Variants in TRAP1 observed in about 807,000 individuals in gnomAD.
The protein encoded by TRAP1 is heat shock protein 75 kDa, mitochondrial.
TRAP1 carries 102 observed loss-of-function variants against 89.1 expected under a neutral mutation model. The observed-to-expected ratio is 1.15, with a 90% CI of 0.98 to 1.35. TRAP1 has a LOEUF of 1.35. TRAP1 is among the 40% of genes most tolerant of loss of function. The pLI, the probability that TRAP1 is intolerant of heterozygous loss-of-function variation, is 0.00. For synonymous variants in TRAP1, 508 were observed against 388.0 expected (o/e 1.31, Z -3.64); for missense variants, 1,256 against 945.3 (o/e 1.33, Z -4.31).
At chr16:3,660,270 G>C (rs2042995066) in intron 16 of TRAP1, 2 of 152,214 alleles carry the variant, frequency 1.3e-5, no homozygotes, top group Non-Finnish European at 2.9e-5. Context: ...GACACAGGTA[G>C]GAGGAAATTT....
rs1016238371 is a variant in TRAP1, at chr16:3,666,063, T to C, written c.1291A>G (p.Lys431Glu). 1.2e-5 allele frequency: 19 copies of C among 1,614,212 alleles called. No homozygotes were observed. Among genetic ancestry groups the C allele is most frequent in the Non-Finnish European group, 1.5e-5 (18 of 1,180,030 alleles). The change falls in exon 12 of 18, where the codon AAA becomes GAA. Residue 431 changes from lysine (K) to glutamate (E), a missense_variant. Transcript: ENST00000246957. ...TTTGCATACTTCTCAGCATCTTTTT[T>C]ACTCTGGTCAATGAAGAATTTGATC... ...RLIKFFIDQS[K>E]KDAEKYAKFF... is the part of the protein sequence containing the mutation.
At chr16:3,693,720 C>CACA (rs2051247697) in intron 1 of TRAP1, among the ~76,000 whole-genome samples, 1 of 152,164 alleles carries the variant, frequency 6.6e-6, no homozygotes. Context: ...GAGCCAGGCA[C>CACA]ACAACCTCAC....
At chr16:3,708,679 G>A (rs2051484257) in intron 1 of TRAP1, among the ~76,000 whole-genome samples, 1 of 151,746 alleles carries the variant, frequency 6.6e-6, no homozygotes, top group Admixed American at 6.6e-5. Flanking sequence ...AGCCGGGCAT[G>A]GTGGCGCGTG....
In TRAP1 at chr16:3,711,624, C is replaced by A. The variant is rs141140962; in HGVS notation, c.88+5797G>T. Among the ~76,000 whole-genome samples, 123 of 151,636 alleles carry A rather than the reference C, an allele frequency of 8.1e-4. 1 individual carries two copies. Among genetic ancestry groups the A allele is most frequent in the African/African-American group, 2.3e-3 (97 of 41,400 alleles). ...GAAAAAAACAAAAAAAAAACAAAAA[C>A]CAAAACAAAAACAAAAAAAACACAG... On this transcript the variant is annotated intron_variant, in intron 1 of 17. Transcript: ENST00000246957.
At chr16:3,661,958 G>T (rs769018281) in intron 16 of TRAP1, 29 bp downstream of exon 16, 18 of 1,570,128 alleles carry the variant, frequency 1.1e-5, no homozygotes, top group Non-Finnish European at 1.5e-5. Context: ...GAATCCCACA[G>T]GCTGGAAGAG....
At chr16:3,691,283 C>G (rs1443556771) in intron 1 of TRAP1, 3 of 240,052 alleles carry the variant, frequency 1.2e-5, no homozygotes, top group African/African-American at 6.7e-5. Flanking sequence ...TCACTGCGAT[C>G]ACAGCTCACT....
At position 3,664,342 on chromosome 16, in the gene TRAP1, A is replaced by G. The variant is rs2050774212; in HGVS notation, c.1501T>C (p.Cys501Arg). ...TCTGCCAGGTGACGGTTGGGGGCGC[A>G]CAGGTAGTAGATGTTGCGGGTGCCG... is the stretch of plus-strand genomic sequence containing the variant. ...RAGTRNIYYL[C>R]APNRHLAEHS... Residue 501 changes from cysteine (C) to arginine (R), a missense_variant, in exon 13 of 18, where the codon TGC becomes CGC. By Grantham distance (180) the Cys-to-Arg change is radical. Transcript: ENST00000246957. 6.2e-7 allele frequency: 1 copy of G among 1,612,590 alleles called. No individual in the cohort carries two copies. The highest frequency in any genetic ancestry group is 1.3e-5 in the African/African-American group (1 of 74,840).
chr16:3,689,242 C>CTT (rs34759526), intron 2 of TRAP1, 105 bp from the exon 3 acceptor site: 3,638 of 422,914 alleles, frequency 8.6e-3, no homozygotes, highest in South Asian at 0.012. Flanking sequence ...GAGTTTTAAA[C>CTT]TTTTTTTTTT....
At chr16:3,700,021 T>C (rs1238302464) in intron 1 of TRAP1, among the ~76,000 whole-genome samples, 1 of 151,700 alleles carries the variant, frequency 6.6e-6, no homozygotes, top group African/African-American at 2.4e-5. Flanking sequence ...CATATGACAT[T>C]TCCCACTGTT....
Position 3,690,849 on chromosome 16 carries a change from G to C in TRAP1, c.225C>G (p.Ile75Met). 6.4e-7 allele frequency: 1 copy of C among 1,550,398 alleles called. No individual in the cohort carries two copies. Among genetic ancestry groups the C allele is most frequent in the Non-Finnish European group, 8.7e-7 (1 of 1,147,492 alleles). The change falls in exon 2 of 18, where the codon ATC becomes ATG. Residue 75 changes from isoleucine (I) to methionine (M), a missense_variant. By Grantham distance (10) the Ile-to-Met change is conservative. Transcript: ENST00000246957. ...EDKEEPLHSI[I>M]SSTESVQGST... The stretch of plus-strand genomic sequence containing the variant: ...TACCCTGCACGCTCTCTGTGCTGCT[G>C]ATAATCGAGTGCAGGGGTTCCTCCT...
chr16:3,672,125 C>G (rs2050922174), intron 10 of TRAP1, among the ~76,000 whole-genome samples: 2 of 152,132 alleles, frequency 1.3e-5, no homozygotes, highest in African/African-American at 4.8e-5. Context: ...ATCATGAGGT[C>G]AGGAGTTCGA....
chr16:3,662,034 C>G lies in TRAP1; in HGVS notation c.1893G>C (p.Gln631His). The G allele has an allele frequency of 6.2e-7, 1 of 1,613,298 alleles. No individual in the cohort carries two copies. The highest frequency in any genetic ancestry group is 1.7e-5 in the Admixed American group (1 of 60,008). The change falls in exon 16 of 18, where the codon CAG (glutamine) becomes CAC (histidine). Residue 631 changes from glutamine (Q) to histidine (H), a missense_variant. By Grantham distance (24) the Gln-to-His change is conservative. Transcript: ENST00000246957. ...GCTGCAGGAGCTGTGCGCGCTCCTC[C>G]TGGGTCTTGGCCAGCTGCTGCATGC... is the stretch of plus-strand genomic sequence containing the variant. ...FLRMQQLAKT[Q>H]EERAQLLQPT... is the part of the protein sequence containing the mutation.
At chr16:3,671,067 C>G (rs1186594307) in intron 11 of TRAP1, among the ~76,000 whole-genome samples, 1 of 152,106 alleles carries the variant, frequency 6.6e-6, no homozygotes, top group African/African-American at 2.4e-5. Context: ...ACGTTGGGGG[C>G]TCCAACAAGG....
At chr16:3,662,707 C>A (rs529349755) in intron 15 of TRAP1, 175 bp downstream of exon 15, 2 of 706,174 alleles carry the variant, frequency 2.8e-6, no homozygotes, top group South Asian at 3.0e-5. Flanking sequence ...CCTGCCTCAG[C>A]GGCACTCCCG....
At chr16:3,706,311 G>A (rs1464965081) in intron 1 of TRAP1, among the ~76,000 whole-genome samples, 1 of 151,924 alleles carries the variant, frequency 6.6e-6, no homozygotes, top group East Asian at 1.9e-4. Flanking sequence ...GTCTCACTAT[G>A]TTGCCTGGAG....
rs1212106962 is a variant in TRAP1, at chr16:3,671,661, C to A, written c.1235+61G>T. 12 of 1,573,284 alleles carry A rather than the reference C, an allele frequency of 7.6e-6. No homozygotes were observed. The Admixed American group carries it at 8.6e-5, about 11-fold the overall frequency. On this transcript the variant is annotated intron_variant, in intron 11 of 17. Coordinates refer to ENST00000246957, the MANE Select transcript of TRAP1 (RefSeq NM_016292.3). ...GGCCACGGCTAGGGCCCTCTGGGGGCAAAGGAGCAGGTAGGGGCCTTGTCC... is the reference window on the plus strand; with the variant it reads ...GGCCACGGCTAGGGCCCTCTGGGGGAAAAGGAGCAGGTAGGGGCCTTGTCC...
At chr16:3,711,961 TTGAG>T (rs1567248930) in intron 1 of TRAP1, among the ~76,000 whole-genome samples, 2 of 152,142 alleles carry the variant, frequency 1.3e-5, no homozygotes, top group African/African-American at 4.8e-5. Flanking sequence ...TTTACTTCAT[TTGAG>T]TATGAATGGA....
intron 1 of TRAP1, among the ~76,000 whole-genome samples, chr16:3,703,895 G>A (rs897682608): frequency 3.3e-5 from 5 of 151,570 alleles, no homozygotes; most frequent in African/African-American, 9.8e-5. Context: ...GGTGCCTGTG[G>A]TCCCAGCTAC....
At chr16:3,678,123 C>G (rs2051024260) in intron 5 of TRAP1, 1 of 156,350 alleles carries the variant, frequency 6.4e-6, no homozygotes, top group Non-Finnish European at 1.4e-5. Flanking sequence ...CCGCACAGCA[C>G]TTCATTTTTC....
Sources: allele counts gnomAD v4.1 joint callset (sites outside exome capture counted in the v4.1 genomes callset), GRCh38; gene constraint gnomAD v4.1.1; transcripts MANE v1.5; gene names NCBI Gene and HGNC (gene_info 2026-07-23, HGNC 2026-07-21).